The following DYM variants were observed in gnomAD, a reference collection of about 807,000 sequenced individuals.
The protein encoded by DYM is dyggve-Melchior-Clausen syndrome protein.
A neutral mutation model predicts 93.1 loss-of-function variants in DYM; 78 were observed. The ratio of observed to expected loss-of-function variants is 0.84; its 90% CI spans 0.70 to 1.01. The LOEUF (loss-of-function observed/expected upper bound fraction) is 1.01, where lower values mean the gene tolerates loss of function less well. DYM is among the 50% of genes least tolerant of loss of function. DYM has a pLI of 0.00. For synonymous variants in DYM, 321 were observed against 319.7 expected (o/e 1.00, Z -0.04); for missense variants, 789 against 845.0 (o/e 0.93, Z 0.82).
chr18:49,384,788 GGAAGAAATATGA>G (rs2068428515), intron 3 of DYM, among the ~76,000 whole-genome samples: 2 of 151,694 alleles, frequency 1.3e-5, no homozygotes, highest in East Asian at 3.9e-4. Context: ...ATCATACAAA[GGAAGAAATATGA>G]GAAAAGAACA....
At chr18:49,085,496 T>C (rs9964580) in intron 17 of DYM, among the ~76,000 whole-genome samples, 2,790 of 152,134 alleles carry the variant, frequency 0.018, 81 homozygotes, top group African/African-American at 0.064. Flanking sequence ...ATCCAGTAAC[T>C]GACATTATAT....
At chr18:49,114,444 C>G (rs2145906727) in intron 16 of DYM, 1 of 596,766 alleles carries the variant, frequency 1.7e-6, no homozygotes, top group Middle Eastern at 8.5e-4. Flanking sequence ...AAAGTGAGCA[C>G]TGGGTATAAG....
intron 6 of DYM, among the ~76,000 whole-genome samples, chr18:49,354,166 G>C (rs2065349579): frequency 6.6e-6 from 1 of 151,988 alleles, no homozygotes; most frequent in South Asian, 2.1e-4. Context: ...CAGTATAATG[G>C]GGAAAGGTAG....
At chr18:49,266,995 GA>G (rs2094581146) in intron 11 of DYM, among the ~76,000 whole-genome samples, 2 of 151,614 alleles carry the variant, frequency 1.3e-5, no homozygotes, top group Non-Finnish European at 2.9e-5. Flanking sequence ...GTAAGCAGGA[GA>G]AAAGAAATAA....
At chr18:49,334,981 C>T (rs2063557938) in intron 6 of DYM, among the ~76,000 whole-genome samples, 1 of 152,108 alleles carries the variant, frequency 6.6e-6, no homozygotes, top group African/African-American at 2.4e-5. Flanking sequence ...GTGGCGGGCA[C>T]CTGTAATGCC....
chr18:49,330,499 G>C (rs2063231069), intron 8 of DYM, among the ~76,000 whole-genome samples: 1 of 151,848 alleles, frequency 6.6e-6, no homozygotes, highest in African/African-American at 2.4e-5. Context: ...TGCAATACTG[G>C]GTTCCCTTTG....
chr18:49,208,910 A>C (rs2092652342), intron 14 of DYM: 1 of 152,172 alleles, frequency 6.6e-6, no homozygotes, highest in African/African-American at 2.4e-5. Context: ...ACAAAACAGC[A>C]GGTGTTGATT....
chr18:49,065,168 T>C (rs1382793574), intron 17 of DYM, among the ~76,000 whole-genome samples: 1 of 152,190 alleles, frequency 6.6e-6, no homozygotes, highest in Non-Finnish European at 1.5e-5. Context: ...TGGGCTTCTT[T>C]GCACTGCACG....
intron 11 of DYM, among the ~76,000 whole-genome samples, chr18:49,261,040 A>G (rs2094481117): frequency 6.6e-6 from 1 of 152,224 alleles, no homozygotes; most frequent in Non-Finnish European, 1.5e-5. Flanking sequence ...AATATACTAA[A>G]AGAGGATTAA....
intron 15 of DYM, among the ~76,000 whole-genome samples, chr18:49,132,931 CA>C (rs2083501338): frequency 6.6e-6 from 1 of 152,098 alleles, no homozygotes. Context: ...GGCTTCCTGA[CA>C]AACAACTCGC....
chr18:49,345,633 A>ACTATATATATATATATATATATATATAT (rs2064524347), intron 6 of DYM, among the ~76,000 whole-genome samples: 13 of 151,192 alleles, frequency 8.6e-5, no homozygotes, highest in Admixed American at 8.5e-4. Context: ...TAGAATCTGC[A>ACTATATATATATATATATATATATATAT]AGAAGAAGAG....
chr18:49,044,157 C>T lies in DYM; in HGVS notation c.2073G>A (p.Glu691=). The change falls in exon 18 of 18, where the codon GAG becomes GAA. Residue 691 remains glutamate (E), a synonymous_variant. Transcript: ENST00000675505. ...ACCAGACATAGGGGATAAAAAACTCCTCGGGCTGCTCCTCTTCCACATATT... is the reference window on the plus strand; with the variant it reads ...ACCAGACATAGGGGATAAAAAACTCTTCGGGCTGCTCCTCTTCCACATATT... ...KFKYVEEEQP[E]EFFIPYVWSL... is the part of the protein sequence containing the mutation. The T allele has an allele frequency of 6.2e-7, 1 of 1,614,146 alleles. No individual in the cohort carries two copies. The highest frequency in any genetic ancestry group is 8.5e-7 in the Non-Finnish European group (1 of 1,180,028).
intron 2 of DYM, among the ~76,000 whole-genome samples, chr18:49,399,764 G>C (rs2070552074): frequency 6.6e-6 from 1 of 151,926 alleles, no homozygotes; most frequent in South Asian, 2.1e-4. Context: ...TACAGAGCAG[G>C]CAGTTAGGCA....
rs1018591968 is a variant in DYM, at chr18:49,058,556, C to T, written c.2026-14352G>A. On this transcript the variant is annotated intron_variant, in intron 17 of 17. Coordinates refer to ENST00000675505, the MANE Select transcript of DYM (RefSeq NM_001353214.3). The stretch of plus-strand genomic sequence containing the variant: ...GCTGGTTTTGTGGTCAAGTGATCCT[C>T]CTGACTTGACCTCCACAAAGTGCTT... Among the ~76,000 whole-genome samples the T allele has an allele frequency of 2.0e-5, 3 of 152,110 alleles. No homozygotes were observed. The South Asian group carries it at 6.2e-4, about 32-fold the overall frequency.
intron 6 of DYM, among the ~76,000 whole-genome samples, chr18:49,356,852 C>T (rs1392014427): frequency 4.6e-5 from 7 of 152,104 alleles, no homozygotes; most frequent in Non-Finnish European, 7.4e-5. Context: ...ATGCTATAAG[C>T]TGAATTTTAT....
intron 17 of DYM, among the ~76,000 whole-genome samples, chr18:49,077,391 CT>C (rs1274725558): frequency 1.2e-4 from 18 of 152,280 alleles, no homozygotes; most frequent in African/African-American, 4.3e-4. Context: ...TTATTGAGAT[CT>C]GTTCTATGGC....
chr18:49,361,175 C>T (rs2065985290), intron 6 of DYM, among the ~76,000 whole-genome samples: 1 of 152,320 alleles, frequency 6.6e-6, no homozygotes, highest in South Asian at 2.1e-4. Context: ...GTGTCTGCTG[C>T]AGGAGCTCCG....
chr18:49,231,806 G>C (rs1004612035), intron 13 of DYM, among the ~76,000 whole-genome samples: 1 of 152,224 alleles, frequency 6.6e-6, no homozygotes, highest in East Asian at 1.9e-4. Context: ...GTCACCAGAG[G>C]AATCTTAGTC....
chr18:49,140,837 T>C (rs1213859332), intron 15 of DYM, among the ~76,000 whole-genome samples: 1 of 152,238 alleles, frequency 6.6e-6, no homozygotes, highest in Non-Finnish European at 1.5e-5. Context: ...CCTCTCATGA[T>C]TAATTAATCT....
Sources: allele counts gnomAD v4.1 joint callset (sites outside exome capture counted in the v4.1 genomes callset), GRCh38; gene constraint gnomAD v4.1.1; transcripts MANE v1.5; gene names NCBI Gene and HGNC (gene_info 2026-07-23, HGNC 2026-07-21).